Variants in MID1 observed in about 807,000 individuals in gnomAD.
MID1 encodes midline 1.
MID1 carries 7 observed loss-of-function variants against 40.4 expected under a neutral mutation model. The observed-to-expected ratio is 0.17, with a 90% CI of 0.10 to 0.33. The LOEUF is 0.33. MID1 is among the 10% of genes least tolerant of loss of function. The probability of loss-of-function intolerance (pLI) is 1.00; values close to 1 mark genes in which losing one functional copy is unlikely to be tolerated. For missense variants in MID1, 367 were observed against 558.5 expected (o/e 0.66, Z 3.46); for synonymous variants, 229 against 221.2 (o/e 1.04, Z -0.31).
intron 1 of MID1, among the ~76,000 whole-genome samples, chrX:10,618,105 G>A (rs1487611183): frequency 8.9e-6 from 1 of 112,104 alleles, no homozygotes; most frequent in Non-Finnish European, 1.9e-5. Flanking sequence ...GCTATCAGTG[G>A]CAGGCAGGGG....
intron 2 of MID1, among the ~76,000 whole-genome samples, chrX:10,547,841 C>T (rs1426087736): frequency 9.0e-6 from 1 of 110,918 alleles, no homozygotes; most frequent in African/African-American, 3.3e-5. Flanking sequence ...GAAACCTCCC[C>T]AGAGTCAAGC....
intron 1 of MID1, among the ~76,000 whole-genome samples, chrX:10,775,383 C>A (rs1043984492): frequency 3.6e-5 from 4 of 110,881 alleles, no homozygotes; most frequent in Non-Finnish European, 5.7e-5. Flanking sequence ...TCACATTAGA[C>A]ACTGCTCCAC....
At chrX:10,732,863 C>CTT (rs34772528) in intron 1 of MID1, among the ~76,000 whole-genome samples, 8 of 55,510 alleles carry the variant, frequency 1.4e-4, no homozygotes, top group South Asian at 1.1e-3. Flanking sequence ...TCTTCTTCTT[C>CTT]TTTTTTTTTT....
At chrX:10,506,471 T>C in intron 3 of MID1, 1 of 544,391 alleles carries the variant, frequency 1.8e-6, no homozygotes, top group East Asian at 3.6e-5. Context: ...TGGGAAACAG[T>C]ACAGAACATT....
chrX:10,759,290 T>G (rs1434011519), intron 1 of MID1, among the ~76,000 whole-genome samples: 1 of 112,037 alleles, frequency 8.9e-6, no homozygotes, highest in Non-Finnish European at 1.9e-5. Context: ...GAGGAAATGC[T>G]GGCGACGCAG....
At chrX:10,604,475 CAGA>C (rs1172102141) in intron 1 of MID1, among the ~76,000 whole-genome samples, 1 of 111,604 alleles carries the variant, frequency 9.0e-6, no homozygotes, top group East Asian at 2.8e-4. Context: ...TAGAATTAAT[CAGA>C]AGTTCTCTTC....
chrX:10,823,083 C>A (rs1458005362), intron 1 of MID1, among the ~76,000 whole-genome samples: 3 of 111,691 alleles, frequency 2.7e-5, no homozygotes. Flanking sequence ...AAATGCCCAT[C>A]AATGATAGAC....
At chrX:10,601,988 C>T (rs1179953202) in intron 1 of MID1, among the ~76,000 whole-genome samples, 1 of 107,997 alleles carries the variant, frequency 9.3e-6, no homozygotes, top group Non-Finnish European at 1.9e-5. Context: ...GCTCCGCCTC[C>T]CGGGTTCACG....
chrX:10,626,585 T>C (rs1935998456), intron 1 of MID1, among the ~76,000 whole-genome samples: 1 of 111,261 alleles, frequency 9.0e-6, no homozygotes, highest in Admixed American at 9.6e-5. Flanking sequence ...ACACACTGTT[T>C]GCTCTTTGCC....
chrX:10,823,936 A>AAC (rs1251243010), intron 1 of MID1, among the ~76,000 whole-genome samples: 3 of 111,996 alleles, frequency 2.7e-5, no homozygotes, highest in African/African-American at 9.7e-5. Context: ...AATTATATAC[A>AAC]ACACACACAC....
intron 1 of MID1, among the ~76,000 whole-genome samples, chrX:10,596,102 C>T (rs1935406033): frequency 1.8e-5 from 2 of 112,107 alleles, no homozygotes; most frequent in Non-Finnish European, 3.8e-5. Context: ...TACTTCTAAA[C>T]TTTAATTTTG....
chrX:10,590,821 T>C (rs915762061), intron 1 of MID1, among the ~76,000 whole-genome samples: 13 of 112,317 alleles, frequency 1.2e-4, no homozygotes, highest in Non-Finnish European at 1.1e-4. Flanking sequence ...TCAAAAGGTA[T>C]GACCTTATCC....
intron 4 of MID1, among the ~76,000 whole-genome samples, chrX:10,489,696 G>GTTTTTTT (rs778434207): frequency 2.1e-5 from 2 of 95,496 alleles, no homozygotes; most frequent in African/African-American, 7.8e-5. Flanking sequence ...TATTTTCAAA[G>GTTTTTTT]TTTTTTTTTT....
At chrX:10,612,114 G>A (rs945712742) in intron 1 of MID1, among the ~76,000 whole-genome samples, 17 of 111,761 alleles carry the variant, frequency 1.5e-4, no homozygotes, top group African/African-American at 4.9e-4. Flanking sequence ...GTTAGAAAGC[G>A]GAGAAATATT....
intron 1 of MID1, among the ~76,000 whole-genome samples, chrX:10,727,880 A>G (rs955598972): frequency 8.9e-6 from 1 of 112,072 alleles, no homozygotes; most frequent in African/African-American, 3.2e-5. Context: ...GGACACTTCA[A>G]CTTTGTATTT....
At chrX:10,643,389 A>T (rs1936224929) in intron 1 of MID1, among the ~76,000 whole-genome samples, 1 of 112,122 alleles carries the variant, frequency 8.9e-6, no homozygotes, top group African/African-American at 3.3e-5. Flanking sequence ...GAAGACATTT[A>T]TGCAGCCAAC....
chrX:10,824,221 G>A (rs755863107), intron 1 of MID1, among the ~76,000 whole-genome samples: 2 of 111,945 alleles, frequency 1.8e-5, no homozygotes, highest in Non-Finnish European at 3.8e-5. Flanking sequence ...CAGACCAGAA[G>A]GCTTGATGGT....
chrX:10,561,507 T>G (rs2147456164), intron 2 of MID1, among the ~76,000 whole-genome samples: 1 of 106,480 alleles, frequency 9.4e-6, no homozygotes, highest in Admixed American at 9.8e-5. Context: ...ACAAAGAACT[T>G]AAACAAATTT....
intron 3 of MID1, among the ~76,000 whole-genome samples, chrX:10,518,869 A>G (rs749915305): frequency 8.9e-6 from 1 of 112,017 alleles, no homozygotes; most frequent in East Asian, 2.8e-4. Flanking sequence ...ACTACAATCA[A>G]TTCAGTAATA....
Sources: gnomAD v4.1 joint callset for allele counts (sites outside exome capture counted in the v4.1 genomes callset) on GRCh38, gnomAD v4.1.1 for gene constraint, MANE v1.5 for transcripts, NCBI Gene and HGNC (gene_info 2026-07-23, HGNC 2026-07-21) for gene names.